CSNK1D: variants seen among roughly 807,000 people sequenced by gnomAD.
The protein encoded by CSNK1D is casein kinase I isoform delta.
Under a neutral mutation model 46.6 loss-of-function variants are expected in CSNK1D, and 16 were observed. The observed-to-expected ratio is 0.34, with a 90% CI of 0.23 to 0.52. The LOEUF is 0.52. Ranked by LOEUF, CSNK1D falls within the 20% of genes least tolerant of loss-of-function variation. CSNK1D has a pLI of 0.95. For synonymous variants in CSNK1D, 276 were observed against 228.2 expected (o/e 1.21, Z -1.89); for missense variants, 398 against 578.4 (o/e 0.69, Z 3.20).
Position 82,252,935 on chromosome 17 carries a change from A to G in CSNK1D, c.565+81T>C. 7.6e-7 allele frequency: 1 copy of G among 1,317,206 alleles called. No individual in the cohort carries two copies. Among genetic ancestry groups the G allele is most frequent in the Admixed American group, 1.8e-5 (1 of 54,336 alleles). The allele number at this position is 1,317,206 out of a possible 1,614,324, so 81.6% of individuals were successfully genotyped here. A position where few individuals can be genotyped will look rare whatever the true frequency, so the allele number is the denominator to read the frequency against. ...ACACGCTTGCAGCCCCAGCTCCCCG[A>G]GAGGCTGGCCTCTCCCTGGGCTGAG... On this transcript the variant is annotated intron_variant, in intron 4 of 8. Transcript: ENST00000314028. This position sits in a 1 kb window ranked among gnomAD's most constrained non-coding sequence, Gnocchi z 4.6.
chr17:82,257,706 A>G (rs1156866838), intron 2 of CSNK1D, among the ~76,000 whole-genome samples: 5 of 152,250 alleles, frequency 3.3e-5, no homozygotes, highest in African/African-American at 7.2e-5. Context: ...GCCAGACTGA[A>G]CAGATCCATG....
chr17:82,245,097 G>C (rs937264245), intron 8 of CSNK1D: 6 of 596,214 alleles, frequency 1.0e-5, no homozygotes, highest in Admixed American at 2.9e-5. Flanking sequence ...AAGGATCCGA[G>C]TGGAGCGGAG....
At chr17:82,267,695 C>T (rs1386806177) in intron 1 of CSNK1D, among the ~76,000 whole-genome samples, 2 of 152,232 alleles carry the variant, frequency 1.3e-5, no homozygotes, top group Non-Finnish European at 2.9e-5. Flanking sequence ...CTGAGTTCCT[C>T]TAAGGACCTG....
In CSNK1D at chr17:82,255,245, G is replaced by A. The variant is rs1036506929; in HGVS notation, c.336+184C>T. On this transcript the variant is annotated intron_variant, in intron 3 of 8. Coordinates refer to ENST00000314028, the MANE Select transcript of CSNK1D (RefSeq NM_001893.6). This position sits in a 1 kb window ranked among gnomAD's most constrained non-coding sequence, Gnocchi z 5.9. ...GCCGCCGGAGCCTCGAGAAGCCAGT[G>A]AGCGGAGCCACCGGAGCCTCGAGAA... 13 of 735,276 alleles carry A rather than the reference G, an allele frequency of 1.8e-5. No homozygotes were observed. The highest frequency in any genetic ancestry group is 1.7e-4 in the Admixed American group (8 of 48,050). The allele number at this position is 735,276 out of a possible 1,614,324, so 45.5% of individuals were successfully genotyped here. A position where few individuals can be genotyped will look rare whatever the true frequency, so the allele number is the denominator to read the frequency against.
chr17:82,255,612 A>AG lies in CSNK1D; in HGVS notation c.188-36dup. The AG allele has an allele frequency of 6.2e-7, 1 of 1,613,856 alleles. No individual in the cohort carries two copies. Among genetic ancestry groups the AG allele is most frequent in the South Asian group, 1.1e-5 (1 of 91,082 alleles). The stretch of plus-strand genomic sequence containing the variant: ...GAAATCAGACACAGTGTTTCAGTCC[A>AG]GGCCCTGCCTCAGCTCCACACTAAG... On this transcript the variant is annotated intron_variant, in intron 2 of 8. Transcript: ENST00000314028. This position sits in a 1 kb window ranked among gnomAD's most constrained non-coding sequence, Gnocchi z 5.9.
Position 82,243,792 on chromosome 17 carries a change from T to C in CSNK1D, c.*989A>G. 1.0e-6 allele frequency: 1 copy of C among 985,352 alleles called. No homozygotes were observed. Among genetic ancestry groups the C allele is most frequent in the South Asian group, 4.7e-5 (1 of 21,286 alleles). 61.0% of individuals were successfully genotyped at this position (985,352 alleles called of 1,614,324 possible). A position where few individuals can be genotyped will look rare whatever the true frequency, so the allele number is the denominator to read the frequency against. On this transcript the variant is annotated 3_prime_UTR_variant, in exon 9 of 9. Coordinates refer to ENST00000314028, the MANE Select transcript of CSNK1D (RefSeq NM_001893.6). ...TTGAGTGCTGAGAAAATGGACTGAG[T>C]GCAAAGGCAGCAAGGCAACAAACAC...
At chr17:82,270,725 T>C (rs1195163838) in intron 1 of CSNK1D, among the ~76,000 whole-genome samples, 3 of 151,912 alleles carry the variant, frequency 2.0e-5, no homozygotes, top group Non-Finnish European at 4.4e-5. Context: ...GACCACAGTG[T>C]AGGCTAGGAG....
In CSNK1D at chr17:82,248,302, A is replaced by G. The variant is rs2050902473; in HGVS notation, c.1197+573T>C. 1 of 988,856 alleles carries G rather than the reference A, an allele frequency of 1.0e-6. No homozygotes were observed. Among genetic ancestry groups the G allele is most frequent in the Admixed American group, 5.9e-5 (1 of 16,890 alleles). 61.3% of individuals were successfully genotyped at this position (988,856 alleles called of 1,614,324 possible). ...CGAGGAGAGGAGAGACCGCTGCAGG[A>G]TGCTGAAGAGGCGGTGGCCGTGGCT... On this transcript the variant is annotated intron_variant, in intron 8 of 8. Coordinates refer to ENST00000314028, the MANE Select transcript of CSNK1D (RefSeq NM_001893.6). This position sits in a 1 kb window ranked among gnomAD's most constrained non-coding sequence, Gnocchi z 4.1.
downstream of CSNK1D, among the ~76,000 whole-genome samples, chr17:82,240,545 C>T (rs566221923): frequency 3.3e-5 from 5 of 152,220 alleles, no homozygotes; most frequent in Admixed American, 2.6e-4. Context: ...GAGGGGTGCT[C>T]GCTCCTGGAA....
chr17:82,253,489 G>A, intron 3 of CSNK1D: 2 of 511,608 alleles, frequency 3.9e-6, no homozygotes, highest in East Asian at 3.8e-5. Flanking sequence ...AAAACAGAGA[G>A]GTGAGGCGAC....
At chr17:82,246,921 T>C (rs1412674627) in intron 8 of CSNK1D, 3 of 985,512 alleles carry the variant, frequency 3.0e-6, no homozygotes, top group Non-Finnish European at 3.6e-6. Flanking sequence ...GAGCCTCCTG[T>C]ATTCCCCCTT....
At chr17:82,239,104 G>A (rs758976424), downstream of CSNK1D, 7 of 898,690 alleles carry the variant, frequency 7.8e-6, no homozygotes, top group South Asian at 2.1e-5. Flanking sequence ...CCAGCGGATC[G>A]TCGCCCGATC....
rs1477923436 is a variant in CSNK1D at position 82,243,020 on chromosome 17, C to A, written c.*1761G>T. ...GGGACGTCTACCTTCAAGAAGGGGT[C>A]CAGCAACAAAGAAAATCTCTTAACT... is the stretch of plus-strand genomic sequence containing the variant. On this transcript the variant is annotated 3_prime_UTR_variant, in exon 9 of 9. Coordinates refer to ENST00000314028, the MANE Select transcript of CSNK1D (RefSeq NM_001893.6). 5.1e-6 allele frequency: 5 copies of A among 985,326 alleles called. No individual in the cohort carries two copies. Among genetic ancestry groups the A allele is most frequent in the Admixed American group, 6.2e-5 (1 of 16,256 alleles). 61.0% of individuals were successfully genotyped at this position (985,326 alleles called of 1,614,324 possible).
Position 82,243,651 on chromosome 17 carries a change from G to A in CSNK1D, c.*1130C>T. The A allele has an allele frequency of 1.0e-6, 1 of 985,544 alleles. No homozygotes were observed. The highest frequency in any genetic ancestry group is 1.2e-6 in the Non-Finnish European group (1 of 829,992). 61.0% of individuals were successfully genotyped at this position (985,544 alleles called of 1,614,324 possible). ...CCTGCTCCTTGGCACCTCAGGGTGG[G>A]TCCTTCTGGCCTGCCGGCTTTTCTG... On this transcript the variant is annotated 3_prime_UTR_variant, in exon 9 of 9. Transcript: ENST00000314028.
intron 1 of CSNK1D, among the ~76,000 whole-genome samples, chr17:82,267,674 G>A (rs1259788817): frequency 6.6e-6 from 1 of 152,214 alleles, no homozygotes; most frequent in Non-Finnish European, 1.5e-5. Context: ...CTGTGTAAAT[G>A]AAAAACCACT....
At chr17:82,247,498 G>T in intron 8 of CSNK1D, 1 of 985,482 alleles carries the variant, frequency 1.0e-6, no homozygotes, top group South Asian at 4.7e-5. Context: ...CAAGCGCTGG[G>T]GCGAGGCTGT....
chr17:82,272,723 A>G (rs2051662018), intron 1 of CSNK1D, among the ~76,000 whole-genome samples: 1 of 152,110 alleles, frequency 6.6e-6, no homozygotes, highest in African/African-American at 2.4e-5. Context: ...GGTCTTTCTG[A>G]CATTTTCCCC....
chr17:82,252,885 G>A lies in CSNK1D; in HGVS notation c.565+131C>T. ...CCATACACCTGGCAGTCACGAGCCA[G>A]CCTGTCTGCCGCAAAGGTCTGATGA... On this transcript the variant is annotated intron_variant, in intron 4 of 8. Transcript: ENST00000314028. This position sits in a 1 kb window ranked among gnomAD's most constrained non-coding sequence, Gnocchi z 4.6. 1 of 877,238 alleles carries A rather than the reference G, an allele frequency of 1.1e-6. No individual in the cohort carries two copies. Among genetic ancestry groups the A allele is most frequent in the Non-Finnish European group, 1.8e-6 (1 of 541,056 alleles). 54.3% of individuals were successfully genotyped at this position (877,238 alleles called of 1,614,324 possible).
intron 1 of CSNK1D, among the ~76,000 whole-genome samples, chr17:82,267,979 C>T (rs1310322940): frequency 6.6e-6 from 1 of 152,266 alleles, no homozygotes; most frequent in Admixed American, 6.5e-5. Context: ...CAAAAGTCAT[C>T]ACCAGCCGCT....
Sources: allele counts gnomAD v4.1 joint callset (sites outside exome capture counted in the v4.1 genomes callset), GRCh38; gene constraint gnomAD v4.1.1; non-coding constraint Gnocchi (gnomAD v3.1); transcripts MANE v1.5; gene names NCBI Gene and HGNC (gene_info 2026-07-23, HGNC 2026-07-21).